The following SHC4 variants were observed in gnomAD, a reference collection of about 807,000 sequenced individuals.
SHC4 encodes the protein SHC-transforming protein 4.
In SHC4, 41 loss-of-function variants were observed where a neutral mutation model predicts 69.4. The observed-to-expected ratio is 0.59, with a 90% CI of 0.46 to 0.77. The LOEUF (loss-of-function observed/expected upper bound fraction) is 0.77. Among genes scored for constraint, SHC4 ranks in the 30% least tolerant of loss-of-function variants. SHC4 has a pLI of 0.00. For synonymous variants in SHC4, 318 were observed against 299.3 expected, an observed-to-expected ratio of 1.06 and a Z score of -0.64; for missense variants, 777 against 783.8, an observed-to-expected ratio of 0.99 and a Z score of 0.10.
At chr15:48,952,595 A>T (rs1170338789) in intron 1 of SHC4, among the ~76,000 whole-genome samples, 2 of 152,162 alleles carry the variant, frequency 1.3e-5, no homozygotes, top group Admixed American at 6.5e-5. Flanking sequence ...AAGAAAAAAA[A>T]CCCATTGAAA....
chr15:48,841,155 C>T (rs1197226977), intron 10 of SHC4, among the ~76,000 whole-genome samples: 1 of 152,098 alleles, frequency 6.6e-6, no homozygotes, highest in South Asian at 2.1e-4. Flanking sequence ...AAGAATATTC[C>T]AGATCACCTA....
chr15:48,859,152 G>A (rs1899387426), intron 6 of SHC4, among the ~76,000 whole-genome samples: 1 of 152,150 alleles, frequency 6.6e-6, no homozygotes, highest in South Asian at 2.1e-4. Flanking sequence ...ACATCTAACA[G>A]AATTTGTAGA....
chr15:48,878,960 A>G lies in SHC4; in HGVS notation c.840+5288T>C, dbSNP rs369848078. 1.6e-4 allele frequency: 76 copies of G among 474,224 alleles called. 1 individual carries two copies. The South Asian group carries it at 2.2e-3, about 14-fold the overall frequency. 29.4% of individuals were successfully genotyped at this position (474,224 alleles called of 1,614,324 possible). A position where few individuals can be genotyped will look rare whatever the true frequency, so the allele number is the denominator to read the frequency against. On this transcript the variant is annotated intron_variant, in intron 4 of 11. Coordinates refer to ENST00000332408, the MANE Select transcript of SHC4 (RefSeq NM_203349.4). ...AAAGATTTTAAGACCGTTGAAATCA[A>G]TTATCAAGAACGTCCTAAAACACCT...
At chr15:48,876,271 C>T (rs1031361616) in intron 4 of SHC4, among the ~76,000 whole-genome samples, 1 of 152,146 alleles carries the variant, frequency 6.6e-6, no homozygotes, top group Non-Finnish European at 1.5e-5. Context: ...CAAATGAACA[C>T]TGGGATTTCT....
At chr15:48,871,978 T>G (rs1016523064) in intron 5 of SHC4, 111 bp downstream of exon 5, 1 of 662,482 alleles carries the variant, frequency 1.5e-6, no homozygotes. Flanking sequence ...AAAAGACATG[T>G]AGTGGCTAAT....
intron 2 of SHC4, among the ~76,000 whole-genome samples, chr15:48,911,738 G>C (rs1900512746): frequency 6.6e-6 from 1 of 152,120 alleles, no homozygotes; most frequent in Admixed American, 6.5e-5. Context: ...GTGTTTCCAG[G>C]ATTTGTTTCA....
intron 7 of SHC4, among the ~76,000 whole-genome samples, chr15:48,856,951 C>G (rs1265960983): frequency 6.6e-6 from 1 of 152,104 alleles, no homozygotes; most frequent in African/African-American, 2.4e-5. Flanking sequence ...CTCTCCTTTG[C>G]TACCCTAGAC....
In SHC4 at chr15:48,895,332, G is replaced by A. The variant is rs572663494; in HGVS notation, c.657-4521C>T. Among the ~76,000 whole-genome samples the A allele has an allele frequency of 7.2e-5, 11 of 152,250 alleles. No homozygotes were observed. In the East Asian group the frequency reaches 1.8e-3, roughly 24 times the overall value. ...TCTGACTTCAAAACCCACAAGCACC[G>A]GGGAGGAACCATATTGCCAGATGGA... On this transcript the variant is annotated intron_variant, in intron 2 of 11. Coordinates refer to ENST00000332408, the MANE Select transcript of SHC4 (RefSeq NM_203349.4).
In SHC4 at chr15:48,945,209, T is replaced by C. The variant is rs536580945; in HGVS notation, c.585+17222A>G. 3.3e-5 allele frequency among the ~76,000 whole-genome samples: 5 copies of C among 151,600 alleles called. No individual in the cohort carries two copies. The South Asian group carries it at 1.0e-3, about 32-fold the overall frequency. ...TGAACAAAAGAAATCTGATAAAGTA[T>C]AAAAATATAGTCAGATAAGTTCAAA... On this transcript the variant is annotated intron_variant, in intron 1 of 11. Transcript: ENST00000332408.
chr15:48,884,402 T>C, intron 3 of SHC4, 35 bp from the exon 4 acceptor site: 2 of 1,544,054 alleles, frequency 1.3e-6, no homozygotes, highest in Non-Finnish European at 1.7e-6. Context: ...AAAACACTGT[T>C]AGGAATTTTG....
intron 1 of SHC4, among the ~76,000 whole-genome samples, chr15:48,960,302 A>G (rs895949264): frequency 6.6e-6 from 1 of 152,190 alleles, no homozygotes. Context: ...ACAAGAGGAA[A>G]GGAAAGCTGA....
chr15:48,931,941 T>A (rs1455263549), intron 1 of SHC4, among the ~76,000 whole-genome samples: 1 of 151,740 alleles, frequency 6.6e-6, no homozygotes, highest in African/African-American at 2.4e-5. Context: ...TATCTCTCCA[T>A]AAATGCAAAC....
chr15:48,946,042 T>G (rs1901270925), intron 1 of SHC4: 1 of 152,196 alleles, frequency 6.6e-6, no homozygotes, highest in Non-Finnish European at 1.5e-5. Flanking sequence ...GACTGACATC[T>G]AAAGGGAGAA....
chr15:48,868,956 C>T (rs1254416014), intron 5 of SHC4, among the ~76,000 whole-genome samples: 1 of 152,194 alleles, frequency 6.6e-6, no homozygotes, highest in Non-Finnish European at 1.5e-5. Flanking sequence ...CACTCTTATT[C>T]AAGTGAAGAG....
chr15:48,877,982 G>A (rs535464275), intron 4 of SHC4: 38 of 572,738 alleles, frequency 6.6e-5, no homozygotes, highest in Non-Finnish European at 1.0e-4. Context: ...AGCTCAAAAG[G>A]CGACGCCAAC....
chr15:48,833,546 G>A (rs1863453), intron 11 of SHC4, among the ~76,000 whole-genome samples: 51,333 of 152,018 alleles, frequency 0.34, 10,171 homozygotes, highest in Middle Eastern at 0.47. Flanking sequence ...TTCAAGTTGT[G>A]TACTTTCTCC....
At chr15:48,890,087 AC>A (rs1290875230) in intron 3 of SHC4, among the ~76,000 whole-genome samples, 77 of 152,272 alleles carry the variant, frequency 5.1e-4, no homozygotes, top group African/African-American at 1.7e-3. Flanking sequence ...TTCTTACATA[AC>A]TCTATAAAGT....
intron 1 of SHC4, among the ~76,000 whole-genome samples, chr15:48,939,275 A>G (rs1595764493): frequency 3.3e-5 from 5 of 152,122 alleles, no homozygotes; most frequent in Admixed American, 3.3e-4. Context: ...GAGGCTCCAG[A>G]CCAGCCTCAG....
chr15:48,883,172 G>C (rs906361344), intron 4 of SHC4, among the ~76,000 whole-genome samples: 1 of 152,090 alleles, frequency 6.6e-6, no homozygotes, highest in African/African-American at 2.4e-5. Context: ...AAAGGTCTCT[G>C]AGAATATTTG....
Sources: gnomAD v4.1 joint callset for allele counts (sites outside exome capture counted in the v4.1 genomes callset) on GRCh38, gnomAD v4.1.1 for gene constraint, MANE v1.5 for transcripts, NCBI Gene and HGNC (gene_info 2026-07-23, HGNC 2026-07-21) for gene names.